The following PCMTD1 variants were observed in gnomAD, a reference collection of about 807,000 sequenced individuals.
The protein encoded by PCMTD1 is protein-L-isoaspartate (D-aspartate) O-methyltransferase domain containing 1.
Under a neutral mutation model 37.6 loss-of-function variants are expected in PCMTD1, and 12 were observed. The ratio of observed to expected loss-of-function variants is 0.32; its 90% CI spans 0.20 to 0.52. PCMTD1 has a LOEUF of 0.52. Ranked by LOEUF, PCMTD1 falls within the 20% of genes least tolerant of loss-of-function variation. PCMTD1 has a pLI of 0.97. For missense variants in PCMTD1, 235 were observed against 421.3 expected (o/e 0.56, Z 3.87); for synonymous variants, 117 against 135.8 (o/e 0.86, Z 0.96).
chr8:51,831,675 C>T, intron 4 of PCMTD1, 108 bp from the exon 5 acceptor site: 3 of 1,090,852 alleles, frequency 2.8e-6, no homozygotes, highest in Non-Finnish European at 3.8e-6. Context: ...TAGAGCTACA[C>T]AATCACTTAA....
At chr8:51,832,427 G>T (rs1445768189) in intron 4 of PCMTD1, among the ~76,000 whole-genome samples, 2 of 152,160 alleles carry the variant, frequency 1.3e-5, no homozygotes, top group African/African-American at 2.4e-5. Flanking sequence ...GTGATAGTGA[G>T]ATCCACTGAG....
intron 1 of PCMTD1, among the ~76,000 whole-genome samples, chr8:51,892,345 G>C (rs1206964896): frequency 6.6e-6 from 1 of 152,154 alleles, no homozygotes; most frequent in Non-Finnish European, 1.5e-5. Flanking sequence ...CCCTTGCCCA[G>C]AGTGGACCAT....
chr8:51,858,552 A>T (rs1025503664), intron 2 of PCMTD1, among the ~76,000 whole-genome samples: 1 of 152,200 alleles, frequency 6.6e-6, no homozygotes, highest in Non-Finnish European at 1.5e-5. Context: ...ATGACATAAA[A>T]CACACACAAA....
chr8:51,880,288 A>G (rs2038773898), intron 1 of PCMTD1, among the ~76,000 whole-genome samples: 1 of 152,216 alleles, frequency 6.6e-6, no homozygotes, highest in Non-Finnish European at 1.5e-5. Flanking sequence ...TAAATATGAA[A>G]TTATGCCCAA....
At chr8:51,825,413 GGCCGGGCGCGGTGGCT>G (rs2037908335) in intron 5 of PCMTD1, among the ~76,000 whole-genome samples, 1 of 71,158 alleles carries the variant, frequency 1.4e-5, no homozygotes, top group Non-Finnish European at 6.1e-5. Flanking sequence ...AGATATTTAT[GGCCGGGCGCGGTGGCT>G]CACGCCTGTA....
intron 1 of PCMTD1, among the ~76,000 whole-genome samples, chr8:51,893,381 T>G (rs2038961233): frequency 6.6e-6 from 1 of 152,208 alleles, no homozygotes; most frequent in Admixed American, 6.5e-5. Context: ...ATATGAACTC[T>G]TCAGCAATGT....
intron 1 of PCMTD1, among the ~76,000 whole-genome samples, chr8:51,865,062 T>C (rs1424585922): frequency 6.6e-6 from 1 of 152,054 alleles, no homozygotes; most frequent in African/African-American, 2.4e-5. Flanking sequence ...TGAACAATTA[T>C]CCACCAACAA....
intron 3 of PCMTD1, among the ~76,000 whole-genome samples, chr8:51,844,599 A>C (rs2038191954): frequency 6.6e-6 from 1 of 152,210 alleles, no homozygotes; most frequent in South Asian, 2.1e-4. Context: ...AAGGGGAATG[A>C]AACAAAAGTA....
intron 1 of PCMTD1, among the ~76,000 whole-genome samples, chr8:51,867,283 A>C (rs13280470): frequency 0.69 from 104,021 of 151,560 alleles, 42,122 homozygotes; most frequent in Non-Finnish European, 0.9. Context: ...CAGTATGGCT[A>C]ATCAGAAAAC....
intron 1 of PCMTD1, among the ~76,000 whole-genome samples, chr8:51,883,715 C>CT (rs914595012): frequency 3.4e-4 from 51 of 151,824 alleles, no homozygotes; most frequent in African/African-American, 1.1e-3. Flanking sequence ...GTTACAAGAG[C>CT]TTTTTTTTGG....
intron 1 of PCMTD1, among the ~76,000 whole-genome samples, chr8:51,883,502 A>G (rs903029317): frequency 6.6e-6 from 1 of 152,216 alleles, no homozygotes; most frequent in African/African-American, 2.4e-5. Flanking sequence ...TTTTCTTCTT[A>G]ATTATTAATG....
chr8:51,881,143 T>G (rs1172736446), intron 1 of PCMTD1, among the ~76,000 whole-genome samples: 1 of 152,212 alleles, frequency 6.6e-6, no homozygotes, highest in Non-Finnish European at 1.5e-5. Flanking sequence ...AACTTTCTGC[T>G]TCACTCATCT....
chr8:51,896,881 T>C (rs1383610445), intron 1 of PCMTD1, among the ~76,000 whole-genome samples: 1 of 60,612 alleles, frequency 1.6e-5, no homozygotes, highest in African/African-American at 3.4e-5. Flanking sequence ...CACGCACTAT[T>C]ACAAAAAAAA....
At chr8:51,887,768 A>T (rs537233505) in intron 1 of PCMTD1, among the ~76,000 whole-genome samples, 85 of 143,096 alleles carry the variant, frequency 5.9e-4, no homozygotes, top group African/African-American at 1.7e-3. Context: ...TTTGAGACAG[A>T]GTCTTGCTCT....
At position 51,827,934 on chromosome 8, in the gene PCMTD1, T is replaced by C. The variant is rs539574261; in HGVS notation, c.706+3510A>G. 7.9e-5 allele frequency among the ~76,000 whole-genome samples: 12 copies of C among 152,282 alleles called. 1 individual carries two copies. The South Asian group carries it at 2.1e-3, about 26-fold the overall frequency. ...GTCTTACCAGCTACTCAGATTTGTGTTGAAATTCTTAAAATGAGGCAAAAT... is the reference window on the plus strand; with the variant it reads ...GTCTTACCAGCTACTCAGATTTGTGCTGAAATTCTTAAAATGAGGCAAAAT... On this transcript the variant is annotated intron_variant, in intron 5 of 5. Coordinates refer to ENST00000522514, the MANE Select transcript of PCMTD1 (RefSeq NM_052937.4).
At chr8:51,829,528 T>C (rs1294346394) in intron 5 of PCMTD1, among the ~76,000 whole-genome samples, 1 of 152,216 alleles carries the variant, frequency 6.6e-6, no homozygotes. Context: ...ACTCCCATGG[T>C]GGCAGGCTGG....
chr8:51,845,524 T>A, intron 3 of PCMTD1, 137 bp downstream of exon 3: 1 of 550,606 alleles, frequency 1.8e-6, no homozygotes, highest in Admixed American at 3.0e-5. Flanking sequence ...AATCTTAACT[T>A]TTTCTCATTT....
intron 1 of PCMTD1, among the ~76,000 whole-genome samples, chr8:51,864,933 A>T (rs938092183): frequency 6.6e-6 from 1 of 151,944 alleles, no homozygotes; most frequent in African/African-American, 2.4e-5. Context: ...GATAAACAAA[A>T]TCAAAAAACC....
chr8:51,865,608 G>A (rs769687255), intron 1 of PCMTD1, among the ~76,000 whole-genome samples: 21 of 151,862 alleles, frequency 1.4e-4, no homozygotes, highest in Non-Finnish European at 1.6e-4. Flanking sequence ...AGAAAAAGCC[G>A]TTAACAAAAA....
Sources: allele counts gnomAD v4.1 joint callset (sites outside exome capture counted in the v4.1 genomes callset), GRCh38; gene constraint gnomAD v4.1.1; transcripts MANE v1.5; gene names NCBI Gene and HGNC (gene_info 2026-07-23, HGNC 2026-07-21).